The following PCDHGA4 variants were observed in gnomAD, a reference collection of about 807,000 sequenced individuals.
The protein encoded by PCDHGA4 is protocadherin gamma subfamily A, 4.
PCDHGA4 carries 38 observed loss-of-function variants against 54.6 expected under a neutral mutation model. The observed-to-expected ratio is 0.70, with a 90% CI of 0.54 to 0.91. The LOEUF is 0.91. Among genes scored for constraint, PCDHGA4 ranks in the 40% least tolerant of loss-of-function variants. The pLI is 0.00. For missense variants in PCDHGA4, 1,298 were observed against 1,220.9 expected (o/e 1.06, Z -0.94); for synonymous variants, 511 against 512.9 (o/e 1.00, Z 0.05).
intron 1 of PCDHGA4, chr5:141,410,478 C>G (rs767257836): frequency 6.2e-7 from 1 of 1,613,992 alleles, no homozygotes; most frequent in Non-Finnish European, 8.5e-7. Context: ...ATTGCACATA[C>G]GGGTACAAAA....
chr5:141,475,080 C>T (rs963278755), intron 1 of PCDHGA4, among the ~76,000 whole-genome samples: 3 of 152,128 alleles, frequency 2.0e-5, no homozygotes, highest in South Asian at 4.1e-4. Flanking sequence ...GCCATTATTT[C>T]AATAATTTTA....
At chr5:141,415,772 T>TTTTTTA in intron 1 of PCDHGA4, 1 of 1,332,986 alleles carries the variant, frequency 7.5e-7, no homozygotes, top group Non-Finnish European at 9.6e-7. Flanking sequence ...TTTTTTTTTT[T>TTTTTTA]ACTTTCTGGT....
At chr5:141,435,421 C>T (rs1384040447) in intron 1 of PCDHGA4, among the ~76,000 whole-genome samples, 2 of 152,096 alleles carry the variant, frequency 1.3e-5, no homozygotes, top group Non-Finnish European at 2.9e-5. Context: ...CTATTTTTCA[C>T]TTCTGTTATG....
chr5:141,458,578 TG>T, intron 1 of PCDHGA4, among the ~76,000 whole-genome samples: 1 of 152,138 alleles, frequency 6.6e-6, no homozygotes. Context: ...TTTGTTTGTT[TG>T]TTTGTTTTGG....
chr5:141,389,553 G>A, intron 1 of PCDHGA4: 1 of 1,613,234 alleles, frequency 6.2e-7, no homozygotes, highest in South Asian at 1.1e-5. Context: ...CAACGACAAT[G>A]CGCCACGGGT....
At chr5:141,384,645 A>G in intron 1 of PCDHGA4, 1 of 1,614,218 alleles carries the variant, frequency 6.2e-7, no homozygotes, top group Non-Finnish European at 8.5e-7. Flanking sequence ...CCCGCTCCGC[A>G]GAGCCCGGCT....
chr5:141,390,098 C>A (rs2092044435), intron 1 of PCDHGA4: 1 of 1,613,924 alleles, frequency 6.2e-7, no homozygotes, highest in Non-Finnish European at 8.5e-7. Context: ...CCGTGGTTCC[C>A]CCCAACTACA....
intron 3 of PCDHGA4, among the ~76,000 whole-genome samples, chr5:141,509,040 C>T (rs1217864661): frequency 6.6e-6 from 1 of 152,132 alleles, no homozygotes; most frequent in African/African-American, 2.4e-5. Context: ...CAACCCCTCT[C>T]CCCCGCCCCC....
Position 141,486,915 on chromosome 5 carries a change from C to G in PCDHGA4, c.2515-7892C>G. The G allele has an allele frequency of 6.2e-7, 1 of 1,614,244 alleles. No individual in the cohort carries two copies. The highest frequency in any genetic ancestry group is 8.5e-7 in the Non-Finnish European group (1 of 1,180,046). ...GGTTCCTTATGTCCCCAAGCACTGCCTCCATCAGTTGGTGCTGGCCACCTA... is the reference window on the plus strand; with the variant it reads ...GGTTCCTTATGTCCCCAAGCACTGCGTCCATCAGTTGGTGCTGGCCACCTA... On this transcript the variant is annotated intron_variant, in intron 1 of 3. Transcript: ENST00000571252. This position sits in a 1 kb window ranked among gnomAD's most constrained non-coding sequence, Gnocchi z 5.0.
At chr5:141,402,999 T>TATG in intron 1 of PCDHGA4, 1 of 1,613,984 alleles carries the variant, frequency 6.2e-7, no homozygotes, top group Non-Finnish European at 8.5e-7. Context: ...TTAGTCCTGC[T>TATG]ATGCTCGCTC....
chr5:141,438,152 G>A (rs184819165), intron 1 of PCDHGA4, among the ~76,000 whole-genome samples: 1 of 152,250 alleles, frequency 6.6e-6, no homozygotes, highest in African/African-American at 2.4e-5. Flanking sequence ...CCAGCCTATG[G>A]CAAAGCTAAT....
At chr5:141,503,116 A>G (rs1303445673) in intron 2 of PCDHGA4, among the ~76,000 whole-genome samples, 11 of 151,656 alleles carry the variant, frequency 7.3e-5, no homozygotes, top group Admixed American at 4.6e-4. Flanking sequence ...GCCTCTCTTC[A>G]TACCCTCTGG....
Position 141,489,417 on chromosome 5 carries a change from G to A in PCDHGA4, c.2515-5390G>A, listed in dbSNP as rs1020232739. On this transcript the variant is annotated intron_variant, in intron 1 of 3. Coordinates refer to ENST00000571252, the MANE Select transcript of PCDHGA4 (RefSeq NM_018917.4). This position sits in a 1 kb window ranked among gnomAD's most constrained non-coding sequence, Gnocchi z 4.5. ...ATCTGGGCTTAAAGATGACAGATCT[G>A]TTGAGCCGGCGGCTGCAATTGGGCT... The A allele has an allele frequency of 1.2e-6, 2 of 1,614,172 alleles. No individual in the cohort carries two copies. The highest frequency in any genetic ancestry group is 3.3e-5 in the Admixed American group (2 of 60,030).
chr5:141,421,443 G>A (rs1561793987), intron 1 of PCDHGA4: 4 of 1,614,106 alleles, frequency 2.5e-6, no homozygotes, highest in Non-Finnish European at 2.5e-6. Flanking sequence ...CCAGAGGGAA[G>A]ACACAGCTTT....
chr5:141,408,855 G>T, intron 1 of PCDHGA4: 1 of 1,613,572 alleles, frequency 6.2e-7, no homozygotes, highest in Non-Finnish European at 8.5e-7. Context: ...TTGGACGGAG[G>T]GGACCCACCA....
chr5:141,372,221 G>A (rs1229058896), intron 1 of PCDHGA4: 1 of 1,613,398 alleles, frequency 6.2e-7, no homozygotes, highest in African/African-American at 1.3e-5. Context: ...ACCACATTGT[G>A]CAGGCCAGCG....
rs773763605 is a variant in PCDHGA4, at chr5:141,476,631, A to G, written c.2515-18176A>G. On this transcript the variant is annotated intron_variant, in intron 1 of 3. Transcript: ENST00000571252. The surrounding 1 kb of genome is among the most constrained non-coding windows in gnomAD (Gnocchi z 7.6). ...GTGGGAAGCAACTCTTTACAAACCT[A>G]TGAGCTGAGCCGAAATGAATACTTT... The G allele has an allele frequency of 2.5e-6, 4 of 1,614,224 alleles. No individual in the cohort carries two copies. Among genetic ancestry groups the G allele is most frequent in the Admixed American group, 1.7e-5 (1 of 60,032 alleles).
At chr5:141,423,619 T>C (rs1389600826) in intron 1 of PCDHGA4, 1 of 1,608,090 alleles carries the variant, frequency 6.2e-7, no homozygotes. Context: ...AGCTGAAGAC[T>C]CAGCTATCAT....
At chr5:141,473,735 A>G (rs529416084) in intron 1 of PCDHGA4, among the ~76,000 whole-genome samples, 75 of 152,352 alleles carry the variant, frequency 4.9e-4, no homozygotes, top group African/African-American at 1.6e-3. Context: ...GAGAGGGAGA[A>G]GACATGAGAA....
Sources: gnomAD v4.1 joint callset for allele counts (sites outside exome capture counted in the v4.1 genomes callset) on GRCh38, gnomAD v4.1.1 for gene constraint, Gnocchi (gnomAD v3.1) non-coding constraint, MANE v1.5 for transcripts, NCBI Gene and HGNC (gene_info 2026-07-23, HGNC 2026-07-21) for gene names.